The following FNIP2 variants were observed in gnomAD, a reference collection of about 807,000 sequenced individuals.
FNIP2 encodes folliculin-interacting protein 2.
A neutral mutation model predicts 108.7 loss-of-function variants in FNIP2; 32 were observed. The ratio of observed to expected loss-of-function variants is 0.29; its 90% confidence interval spans 0.22 to 0.40. FNIP2 has a LOEUF of 0.40. FNIP2 is among the 10% of genes least tolerant of loss of function. The pLI, the probability that FNIP2 is intolerant of heterozygous loss-of-function variation, is 1.00. For missense variants in FNIP2, 1,202 were observed against 1,381.6 expected, an observed-to-expected ratio of 0.87 and a Z score of 2.06; for synonymous variants, 480 against 496.7, an observed-to-expected ratio of 0.97 and a Z score of 0.45.
At chr4:158,778,490 T>C (rs915288200) in intron 1 of FNIP2, among the ~76,000 whole-genome samples, 2 of 151,042 alleles carry the variant, frequency 1.3e-5, no homozygotes, top group African/African-American at 5.0e-5. Context: ...CTTCATCTTA[T>C]CATATAGGCA....
At chr4:158,818,787 T>C (rs1168467417) in intron 1 of FNIP2, among the ~76,000 whole-genome samples, 1 of 152,234 alleles carries the variant, frequency 6.6e-6, no homozygotes, top group African/African-American at 2.4e-5. Flanking sequence ...TCTCTGTTTT[T>C]CCCAACAGCC....
chr4:158,841,745 A>T (rs896852086), intron 7 of FNIP2, among the ~76,000 whole-genome samples: 2 of 152,114 alleles, frequency 1.3e-5, no homozygotes, highest in African/African-American at 4.8e-5. Flanking sequence ...GAGGTATGGG[A>T]CTTTCTGCCC....
chr4:158,866,221 C>CTTTTTTTTTTTTTT (rs34074378), intron 12 of FNIP2, among the ~76,000 whole-genome samples: 1,669 of 59,754 alleles, frequency 0.028, 613 homozygotes, highest in Middle Eastern at 0.071. Flanking sequence ...TCTGGTTATT[C>CTTTTTTTTTTTTTT]TTTTTTTTTT....
At chr4:158,793,312 A>G (rs899154539) in intron 1 of FNIP2, among the ~76,000 whole-genome samples, 28 of 152,254 alleles carry the variant, frequency 1.8e-4, no homozygotes, top group Non-Finnish European at 1.3e-4. Flanking sequence ...GAAAGCAGGT[A>G]TAAACAGGCC....
At chr4:158,848,967 G>A (rs1779554496) in intron 7 of FNIP2, among the ~76,000 whole-genome samples, 1 of 152,132 alleles carries the variant, frequency 6.6e-6, no homozygotes, top group African/African-American at 2.4e-5. Flanking sequence ...TTGGACAAAA[G>A]GGGGTTGATC....
In FNIP2 at chr4:158,815,878, G is replaced by C. The variant is rs1777539237; in HGVS notation, c.108-10038G>C. The stretch of plus-strand genomic sequence containing the variant: ...TGGAGTTTATTACATACTTACCTAA[G>C]GAGCTTCCTTATTCTTTGCTGTGTC... On this transcript the variant is annotated intron_variant, in intron 1 of 16. Coordinates refer to ENST00000264433, the MANE Select transcript of FNIP2 (RefSeq NM_020840.3). Among the ~76,000 whole-genome samples the C allele has an allele frequency of 2.0e-5, 3 of 152,062 alleles. No homozygotes were observed. The South Asian group carries it at 6.2e-4, about 32-fold the overall frequency.
chr4:158,769,574 G>A (rs1477049882), intron 1 of FNIP2, among the ~76,000 whole-genome samples: 1 of 152,142 alleles, frequency 6.6e-6, no homozygotes, highest in Non-Finnish European at 1.5e-5. Context: ...TGTTCCTTGG[G>A]GTTCCCGGGC....
chr4:158,861,566 G>A (rs757226863), intron 11 of FNIP2, 41 bp from the exon 12 acceptor site: 54 of 1,613,662 alleles, frequency 3.3e-5, no homozygotes, highest in Non-Finnish European at 4.2e-5. Flanking sequence ...GCCTCTTTCT[G>A]TATTGACTAA....
chr4:158,862,341 C>G (rs1780343114), intron 12 of FNIP2, among the ~76,000 whole-genome samples: 1 of 152,214 alleles, frequency 6.6e-6, no homozygotes, highest in Non-Finnish European at 1.5e-5. Context: ...CATCCCTACC[C>G]TTATTACTCT....
At chr4:158,878,717 C>T (rs1442665441) in intron 14 of FNIP2, among the ~76,000 whole-genome samples, 2 of 151,880 alleles carry the variant, frequency 1.3e-5, no homozygotes, top group Admixed American at 6.6e-5. Flanking sequence ...GGAGGGCAAG[C>T]GCATACAAGC....
At chr4:158,772,226 A>G (rs1775720292) in intron 1 of FNIP2, among the ~76,000 whole-genome samples, 1 of 152,228 alleles carries the variant, frequency 6.6e-6, no homozygotes, top group Admixed American at 6.5e-5. Context: ...CGTACCAGAA[A>G]AATAAATTAG....
chr4:158,862,987 C>T (rs1780379611), intron 12 of FNIP2, among the ~76,000 whole-genome samples: 1 of 152,190 alleles, frequency 6.6e-6, no homozygotes, highest in South Asian at 2.1e-4. Flanking sequence ...AACTGAGAGC[C>T]ATTAATTCCC....
In FNIP2 at chr4:158,769,310, C is replaced by A. The variant is rs759938851; in HGVS notation, c.98C>A (p.Pro33His). 13 of 1,511,446 alleles carry A rather than the reference C, an allele frequency of 8.6e-6. No homozygotes were observed. In the South Asian group the frequency reaches 1.4e-4, roughly 16 times the overall value. 93.6% of individuals were successfully genotyped at this position (1,511,446 alleles called of 1,614,324 possible). A position where few individuals can be genotyped will look rare whatever the true frequency, so the allele number is the denominator to read the frequency against. Reference protein sequence around the residue: ...SAQGRAPKEGPAFSWSCSEFD... With the variant: ...SAQGRAPKEGHAFSWSCSEFD... ...CAGGGCAGGGCTCCTAAGGAAGGAC[C>A]CGCCTTTAGGTGAGGGGGCGCCGGG... The change falls in exon 1 of 17, where the codon CCC (proline) becomes CAC (histidine). Residue 33 changes from proline (P) to histidine (H), a missense_variant. Transcript: ENST00000264433.
At chr4:158,894,382 G>A (rs1316728217) in intron 15 of FNIP2, among the ~76,000 whole-genome samples, 1 of 151,928 alleles carries the variant, frequency 6.6e-6, no homozygotes. Context: ...ATGTTGCCTA[G>A]GTTGGTCTTG....
rs376384530 is a variant in FNIP2, at chr4:158,833,539, G to T, written c.566G>T (p.Ser189Ile). The change falls in exon 6 of 17, where the codon AGC becomes ATC. Residue 189 changes from serine to isoleucine, a missense_variant. Coordinates refer to ENST00000264433, the MANE Select transcript of FNIP2 (RefSeq NM_020840.3). ...ATCTCCGGATATAGCTTGCAAGACA[G>T]CTTTGAGTACATCAACCAAGATCCT... Reference protein sequence around the residue: ...FCGSTNNLQDSFEYINQDPNL... With the variant: ...FCGSTNNLQDIFEYINQDPNL... 2.5e-6 allele frequency: 4 copies of T among 1,602,980 alleles called. No individual in the cohort carries two copies. In the African/African-American group the frequency reaches 5.4e-5, roughly 22 times the overall value.
At chr4:158,804,516 G>T (rs954395972) in intron 1 of FNIP2, among the ~76,000 whole-genome samples, 2 of 150,018 alleles carry the variant, frequency 1.3e-5, no homozygotes, top group Non-Finnish European at 2.9e-5. Flanking sequence ...TGAGCTAAGT[G>T]ATCCTCTCAC....
chr4:158,786,273 GT>G (rs1352270438), intron 1 of FNIP2, among the ~76,000 whole-genome samples: 1 of 152,118 alleles, frequency 6.6e-6, no homozygotes, highest in African/African-American at 2.4e-5. Context: ...CTGTCCTTTT[GT>G]TTTCTGGACC....
At chr4:158,781,392 T>C (rs1776041057) in intron 1 of FNIP2, among the ~76,000 whole-genome samples, 1 of 152,204 alleles carries the variant, frequency 6.6e-6, no homozygotes, top group East Asian at 1.9e-4. Context: ...ATTGTGCAAG[T>C]TGTTGCAAGC....
chr4:158,829,162 C>G lies in FNIP2; in HGVS notation c.318C>G (p.Ile106Met), dbSNP rs763106290. 29 of 1,613,140 alleles carry G rather than the reference C, an allele frequency of 1.8e-5. 1 individual carries two copies. The South Asian group carries it at 3.0e-4, about 17-fold the overall frequency. Residue 106 changes from isoleucine to methionine, a missense_variant, in exon 3 of 17, where the codon ATC becomes ATG. Around this residue, in one of 5 missense-constraint regions of FNIP2, gnomAD observed 173 missense variants for 165.9 expected, o/e 1.04. Coordinates refer to ENST00000264433, the MANE Select transcript of FNIP2 (RefSeq NM_020840.3). ...SSVSSSSSSS[I>M]SSHSSSGGSS... ...TCAGCAGCAGTAGCAGCAGCAGCAT[C>G]TCTTCCCACAGTTCTTCTGGGGGAT... is the stretch of plus-strand genomic sequence containing the variant.
Sources: allele counts gnomAD v4.1 joint callset (sites outside exome capture counted in the v4.1 genomes callset), GRCh38; gene constraint gnomAD v4.1.1; regional missense constraint gnomAD v4.1.1; transcripts MANE v1.5; gene names NCBI Gene and HGNC (gene_info 2026-07-23, HGNC 2026-07-21).